Variants in CACNB2 observed in about 807,000 individuals in gnomAD.
CACNB2 encodes the protein voltage-dependent L-type calcium channel subunit beta-2.
CACNB2 carries 42 observed loss-of-function variants against 73.3 expected under a neutral mutation model. The ratio of observed to expected loss-of-function variants is 0.57; its 90% CI spans 0.45 to 0.74. The LOEUF is 0.74. Ranked by LOEUF, CACNB2 falls within the 30% of genes least tolerant of loss-of-function variation. The pLI is 0.00. For missense variants in CACNB2, 940 were observed against 853.0 expected, an observed-to-expected ratio of 1.10 and a Z score of -1.27; for synonymous variants, 348 against 310.3, an observed-to-expected ratio of 1.12 and a Z score of -1.28.
chr10:18,165,648 G>A (rs1377587387), intron 2 of CACNB2, among the ~76,000 whole-genome samples: 1 of 152,196 alleles, frequency 6.6e-6, no homozygotes, highest in African/African-American at 2.4e-5. Flanking sequence ...CTGCAATATC[G>A]TGTTGCTTTT....
intron 2 of CACNB2, among the ~76,000 whole-genome samples, chr10:18,389,043 C>G (rs1164310885): frequency 1.3e-5 from 2 of 152,076 alleles, no homozygotes; most frequent in Non-Finnish European, 2.9e-5. Flanking sequence ...TAGGAAGGGC[C>G]TTTTATTCAC....
Position 18,140,898 on chromosome 10 carries a change from C to T in CACNB2, c.120+42C>T, listed in dbSNP as rs898745657. ...GCCTTCTCCTTCCTTTGTGAGCCGC[C>T]GGGCAGGGCACCGACCTCGGGTTCT... On this transcript the variant is annotated intron_variant, in intron 1 of 13. Transcript: ENST00000324631. 1.9e-6 allele frequency: 3 copies of T among 1,563,742 alleles called. No homozygotes were observed. The African/African-American group carries it at 4.0e-5, about 21-fold the overall frequency.
chr10:18,322,618 T>G (rs1054151637), intron 2 of CACNB2, among the ~76,000 whole-genome samples: 1 of 152,218 alleles, frequency 6.6e-6, no homozygotes, highest in African/African-American at 2.4e-5. Context: ...GGAGTAGCTT[T>G]TAATGTTCTA....
intron 2 of CACNB2, among the ~76,000 whole-genome samples, chr10:18,238,195 C>T (rs1485921169): frequency 6.6e-6 from 1 of 152,176 alleles, no homozygotes; most frequent in Non-Finnish European, 1.5e-5. Context: ...TTATGATTGG[C>T]ATATAATGTA....
chr10:18,380,536 C>A (rs1275773877), intron 2 of CACNB2, among the ~76,000 whole-genome samples: 1 of 142,340 alleles, frequency 7.0e-6, no homozygotes, highest in East Asian at 2.1e-4. Context: ...TTCACTGTAA[C>A]CTCCGCCTCC....
Position 18,264,517 on chromosome 10 carries a change from G to A in CACNB2, c.213+113542G>A, listed in dbSNP as rs150894304. On this transcript the variant is annotated intron_variant, in intron 2 of 13. Transcript: ENST00000324631. ...AACCTTCTCCTCCCTTCCAATTCCA[G>A]CTGTCTCCCACCTCCCCCAGGGTAC... Among the ~76,000 whole-genome samples the A allele has an allele frequency of 2.5e-3, 378 of 152,148 alleles. 2 individuals are homozygous for A. Among genetic ancestry groups the A allele is most frequent in the African/African-American group, 8.7e-3 (361 of 41,500 alleles).
At chr10:18,408,383 T>C (rs1301054671) in intron 3 of CACNB2, among the ~76,000 whole-genome samples, 2 of 151,448 alleles carry the variant, frequency 1.3e-5, no homozygotes, top group Non-Finnish European at 2.9e-5. Context: ...GGACTACAGG[T>C]GTGCACCACT....
intron 3 of CACNB2, among the ~76,000 whole-genome samples, chr10:18,412,634 A>G (rs987637863): frequency 6.6e-6 from 1 of 152,102 alleles, no homozygotes; most frequent in Non-Finnish European, 1.5e-5. Context: ...CTGCTAAGTC[A>G]CTTTTGTCTT....
rs568413400 is a variant in CACNB2, at chr10:18,187,896, A to G, written c.213+36921A>G. Among the ~76,000 whole-genome samples, 3 of 152,288 alleles carry G rather than the reference A, an allele frequency of 2.0e-5. 1 individual carries two copies. In the South Asian group the frequency reaches 6.2e-4, roughly 32 times the overall value. ...TTTCTGCCTTTTTAGGAAAATCCAC[A>G]TGTAATTGTGGAGAAGTCTTAAATG... is the stretch of plus-strand genomic sequence containing the variant. On this transcript the variant is annotated intron_variant, in intron 2 of 13. Transcript: ENST00000324631.
At chr10:18,309,978 T>C (rs1408578992) in intron 2 of CACNB2, among the ~76,000 whole-genome samples, 1 of 152,224 alleles carries the variant, frequency 6.6e-6, no homozygotes, top group Non-Finnish European at 1.5e-5. Context: ...ATACCAGTTA[T>C]TTGAAGAAAT....
Position 18,372,104 on chromosome 10 carries a change from A to C in CACNB2, c.214-29820A>C, listed in dbSNP as rs533871668. 4.1e-4 allele frequency among the ~76,000 whole-genome samples: 62 copies of C among 151,760 alleles called. No homozygotes were observed. In the East Asian group the frequency reaches 9.1e-3, roughly 22 times the overall value. ...GTTCTTTGTAGATTCTGGATATTAG[A>C]CCTTTGTCAGATGAGTAGATTGCAA... On this transcript the variant is annotated intron_variant, in intron 2 of 13. Transcript: ENST00000324631.
At chr10:18,188,771 T>C (rs1418071335) in intron 2 of CACNB2, among the ~76,000 whole-genome samples, 1 of 152,122 alleles carries the variant, frequency 6.6e-6, no homozygotes, top group Non-Finnish European at 1.5e-5. Flanking sequence ...ATAGGTTTTC[T>C]CTGATTATAA....
intron 2 of CACNB2, among the ~76,000 whole-genome samples, chr10:18,368,123 C>T (rs1213588109): frequency 2.0e-5 from 3 of 152,104 alleles, no homozygotes; most frequent in Non-Finnish European, 2.9e-5. Context: ...AAGTTGAAAT[C>T]GCACAGCTCC....
At position 18,299,093 on chromosome 10, in the gene CACNB2, G is replaced by GAAAAGA. The variant is rs1442033017; in HGVS notation, c.214-102827_214-102826insGAAAAA. Among the ~76,000 whole-genome samples the GAAAAGA allele has an allele frequency of 1.6e-4, 22 of 135,078 alleles. 1 individual carries two copies. The South Asian group carries it at 4.4e-3, about 27-fold the overall frequency. The allele number at this position is 135,078 out of a possible 152,430, so 88.6% of individuals were successfully genotyped here. A position where few individuals can be genotyped will look rare whatever the true frequency, so the allele number is the denominator to read the frequency against. Reference sequence around the variant, plus strand: ...AAAAAAAAAAAAATAAAAAATAAAAGAAAAAATAAAAAGAAAAAAATAAAA... The same window carrying GAAAAGA: ...AAAAAAAAAAAAATAAAAAATAAAAGAAAAGAAAAAAATAAAAAGAAAAAAATAAAA... On this transcript the variant is annotated intron_variant, in intron 2 of 13. Transcript: ENST00000324631.
intron 2 of CACNB2, among the ~76,000 whole-genome samples, chr10:18,318,997 C>T (rs1057485397): frequency 2.6e-5 from 4 of 152,020 alleles, no homozygotes; most frequent in African/African-American, 7.2e-5. Flanking sequence ...ACACTGTTGG[C>T]GGGAATGTAA....
At chr10:18,393,647 G>T (rs988703045) in intron 2 of CACNB2, among the ~76,000 whole-genome samples, 1 of 152,192 alleles carries the variant, frequency 6.6e-6, no homozygotes, top group Non-Finnish European at 1.5e-5. Context: ...CCACTTTCAG[G>T]CAGGATGAGC....
In CACNB2 at chr10:18,500,793, C is replaced by T; in HGVS notation, c.457-19C>T. On this transcript the variant is annotated intron_variant, in intron 4 of 13. Transcript: ENST00000324631. ...ACCTTCTGTGCACTGATTTTTAATG[C>T]TTTTGATTTTGTGTTTAGAAATTTA... 6.2e-7 allele frequency: 1 copy of T among 1,612,220 alleles called. No homozygotes were observed. Among genetic ancestry groups the T allele is most frequent in the Non-Finnish European group, 8.5e-7 (1 of 1,178,836 alleles).
intron 2 of CACNB2, among the ~76,000 whole-genome samples, chr10:18,156,251 G>C (rs1362585498): frequency 6.6e-6 from 1 of 152,202 alleles, no homozygotes; most frequent in African/African-American, 2.4e-5. Flanking sequence ...ATATGTTTCT[G>C]TGTTAGGCTC....
chr10:18,223,322 G>C (rs1409431709), intron 2 of CACNB2, among the ~76,000 whole-genome samples: 2 of 152,144 alleles, frequency 1.3e-5, no homozygotes, highest in Non-Finnish European at 2.9e-5. Context: ...CACTGCAGAA[G>C]AGAATGTCAT....
Sources: allele counts gnomAD v4.1 joint callset (sites outside exome capture counted in the v4.1 genomes callset), GRCh38; gene constraint gnomAD v4.1.1; transcripts MANE v1.5; gene names NCBI Gene and HGNC (gene_info 2026-07-23, HGNC 2026-07-21).